The following ERBB4 variants were observed in gnomAD, a reference collection of about 807,000 sequenced individuals.
The protein encoded by ERBB4 is erb-b2 receptor tyrosine kinase 4.
Under a neutral mutation model 158.0 loss-of-function variants are expected in ERBB4, and 42 were observed. The observed-to-expected ratio is 0.27, with a 90% CI of 0.21 to 0.34. The LOEUF is 0.34. Ranked by LOEUF, ERBB4 falls within the 10% of genes least tolerant of loss-of-function variation. ERBB4 has a pLI of 1.00. For synonymous variants in ERBB4, 583 were observed against 558.7 expected, an observed-to-expected ratio of 1.04 and a Z score of -0.61; for missense variants, 1,333 against 1,624.1, an observed-to-expected ratio of 0.82 and a Z score of 3.08.
At chr2:211,398,197 C>T (rs916795723) in intron 25 of ERBB4, among the ~76,000 whole-genome samples, 5 of 152,042 alleles carry the variant, frequency 3.3e-5, no homozygotes, top group Admixed American at 3.3e-4. Context: ...TCTCCTCTAC[C>T]CCACTCCTTA....
intron 1 of ERBB4, among the ~76,000 whole-genome samples, chr2:212,143,735 C>T (rs560013881): frequency 7.8e-4 from 118 of 152,086 alleles, no homozygotes; most frequent in African/African-American, 2.3e-3. Flanking sequence ...TTAATTAGAT[C>T]GGCTGGACAT....
At chr2:211,703,995 G>T (rs1254803501) in intron 11 of ERBB4, 109 bp downstream of exon 11, 3 of 777,818 alleles carry the variant, frequency 3.9e-6, no homozygotes, top group African/African-American at 1.7e-5. Flanking sequence ...ATGGAAGCAT[G>T]ATTTCCCCAG....
chr2:211,516,072 G>A (rs59504625), intron 20 of ERBB4, among the ~76,000 whole-genome samples: 10,692 of 149,482 alleles, frequency 0.072, 937 homozygotes, highest in East Asian at 0.26. Context: ...CCGCCACCAC[G>A]CCTAGCTAAT....
Position 211,861,124 on chromosome 2 carries a change from T to TTATATATATATA in ERBB4, c.422-72977_422-72966dup, listed in dbSNP as rs143515103. Among the ~76,000 whole-genome samples, 29 of 20,258 alleles carry TTATATATATATA rather than the reference T, an allele frequency of 1.4e-3. 1 individual carries two copies. The highest frequency in any genetic ancestry group is 4.5e-3 in the African/African-American group (20 of 4,396). 13.3% of individuals were successfully genotyped at this position (20,258 alleles called of 152,430 possible). ...CATTATATATATTTATATATATATT[T>TTATATATATATA]TATATATATATATATATATATATAT... is the stretch of plus-strand genomic sequence containing the variant. On this transcript the variant is annotated intron_variant, in intron 3 of 27. Transcript: ENST00000342788.
At chr2:212,368,551 C>T (rs1388423775) in intron 1 of ERBB4, among the ~76,000 whole-genome samples, 1 of 152,030 alleles carries the variant, frequency 6.6e-6, no homozygotes, top group Non-Finnish European at 1.5e-5. Context: ...AACCAAATCC[C>T]ACCTTTACCC....
intron 20 of ERBB4, among the ~76,000 whole-genome samples, chr2:211,486,259 A>C (rs1443593457): frequency 6.6e-6 from 1 of 152,076 alleles, no homozygotes; most frequent in African/African-American, 2.4e-5. Context: ...TTTCGTTCCC[A>C]GGTGCAAAAA....
At position 212,373,764 on chromosome 2, in the gene ERBB4, C is replaced by CCAT. The variant is rs1560144832; in HGVS notation, c.82+164684_82+164685insATG. 6.5e-3 allele frequency among the ~76,000 whole-genome samples: 635 copies of CCAT among 98,262 alleles called. 42 individuals carry two copies. In the South Asian group the frequency reaches 0.07, roughly 11 times the overall value. The allele number at this position is 98,262 out of a possible 152,430, so 64.5% of individuals were successfully genotyped here. ...ATATATATATCCATGTATATATCCA[C>CCAT]GTATATATCCATGTATATATCCACG... On this transcript the variant is annotated intron_variant, in intron 1 of 27. Transcript: ENST00000342788.
chr2:211,783,971 A>G (rs1220205244), intron 4 of ERBB4, among the ~76,000 whole-genome samples: 1 of 152,196 alleles, frequency 6.6e-6, no homozygotes, highest in Non-Finnish European at 1.5e-5. Context: ...TACCTCTGGT[A>G]GAATTAGACT....
chr2:211,590,836 C>A (rs1211087109), intron 19 of ERBB4, among the ~76,000 whole-genome samples: 1 of 152,148 alleles, frequency 6.6e-6, no homozygotes, highest in Admixed American at 6.5e-5. Flanking sequence ...AAGCTGAACC[C>A]ACTGGGTGGT....
At chr2:211,595,552 T>C (rs528890198) in intron 19 of ERBB4, among the ~76,000 whole-genome samples, 8 of 152,064 alleles carry the variant, frequency 5.3e-5, no homozygotes, top group Non-Finnish European at 1.0e-4. Context: ...GATAAAACTA[T>C]AGGAATTATA....
At chr2:212,124,329 T>C (rs1046197770) in intron 2 of ERBB4, among the ~76,000 whole-genome samples, 1 of 152,098 alleles carries the variant, frequency 6.6e-6, no homozygotes, top group Non-Finnish European at 1.5e-5. Context: ...TTTTTTTTAA[T>C]AACAGTGTTA....
At chr2:211,489,127 AT>A (rs2065276540) in intron 20 of ERBB4, among the ~76,000 whole-genome samples, 1 of 152,086 alleles carries the variant, frequency 6.6e-6, no homozygotes, top group Admixed American at 6.6e-5. Flanking sequence ...TATTTTGTCA[AT>A]TTGAGAGAGC....
chr2:212,191,725 C>CACGTGTTATACATGTTACATATAAT (rs2082229570), intron 1 of ERBB4, among the ~76,000 whole-genome samples: 5 of 146,718 alleles, frequency 3.4e-5, no homozygotes, highest in African/African-American at 1.3e-4. Context: ...TTACATATAA[C>CACGTGTTATACATGTTACATATAAT]ACGTGTTATA....
At chr2:212,114,824 CA>C (rs981467961) in intron 2 of ERBB4, among the ~76,000 whole-genome samples, 1 of 151,966 alleles carries the variant, frequency 6.6e-6, no homozygotes, top group Admixed American at 6.6e-5. Context: ...ACTGAACCTC[CA>C]AAAAAGCTTT....
intron 2 of ERBB4, among the ~76,000 whole-genome samples, chr2:212,006,243 T>G (rs2076256833): frequency 6.6e-6 from 1 of 152,036 alleles, no homozygotes; most frequent in Non-Finnish European, 1.5e-5. Flanking sequence ...ATTTTGAAAA[T>G]AAATATTTCA....
intron 19 of ERBB4, among the ~76,000 whole-genome samples, chr2:211,598,096 C>A (rs891603413): frequency 2.6e-5 from 4 of 152,080 alleles, no homozygotes; most frequent in African/African-American, 9.7e-5. Flanking sequence ...CACTATACAC[C>A]TCAATCTTTT....
At chr2:211,965,676 A>G (rs992428829) in intron 2 of ERBB4, among the ~76,000 whole-genome samples, 6 of 152,172 alleles carry the variant, frequency 3.9e-5, no homozygotes, top group African/African-American at 1.2e-4. Context: ...AAAATAGTAA[A>G]ACAGAATTTG....
At chr2:211,934,289 C>G (rs1383640549) in intron 3 of ERBB4, among the ~76,000 whole-genome samples, 1 of 151,818 alleles carries the variant, frequency 6.6e-6, no homozygotes, top group Non-Finnish European at 1.5e-5. Flanking sequence ...TCAACTTAGC[C>G]TGTCCATTTA....
intron 25 of ERBB4, among the ~76,000 whole-genome samples, chr2:211,406,519 C>T (rs6710253): frequency 0.63 from 96,008 of 151,872 alleles, 30,593 homozygotes; most frequent in South Asian, 0.77. Flanking sequence ...GTCAAAATTC[C>T]TCACTGATAT....
Sources: gnomAD v4.1 joint callset for allele counts (sites outside exome capture counted in the v4.1 genomes callset) on GRCh38, gnomAD v4.1.1 for gene constraint, MANE v1.5 for transcripts, NCBI Gene and HGNC (gene_info 2026-07-23, HGNC 2026-07-21) for gene names.